PAM: variants seen among roughly 807,000 people sequenced by gnomAD.
PAM encodes the protein peptidylglycine alpha-amidating monooxygenase, also known as peptidyl-glycine alpha-amidating monooxygenase.
A neutral mutation model predicts 122.1 loss-of-function variants in PAM; 72 were observed. That is an observed-to-expected ratio of 0.59 (90% CI 0.49 to 0.72). The LOEUF is 0.72. Among genes scored for constraint, PAM ranks in the 30% least tolerant of loss-of-function variants. PAM has a pLI of 0.00. For missense variants in PAM, 1,106 were observed against 1,183.7 expected (o/e 0.93, Z 0.96); for synonymous variants, 389 against 404.4 (o/e 0.96, Z 0.46).
chr5:102,876,765 C>T (rs1433570507), intron 3 of PAM, among the ~76,000 whole-genome samples: 1 of 152,228 alleles, frequency 6.6e-6, no homozygotes, highest in Non-Finnish European at 1.5e-5. Context: ...CTGGAAATTA[C>T]TGAAGCTATG....
At chr5:102,929,396 T>TTA (rs1458471245) in intron 7 of PAM, among the ~76,000 whole-genome samples, 2 of 152,194 alleles carry the variant, frequency 1.3e-5, no homozygotes, top group African/African-American at 4.8e-5. Context: ...TATGTACATA[T>TTA]TATATATATA....
intron 16 of PAM, among the ~76,000 whole-genome samples, chr5:102,991,649 T>C (rs1439127291): frequency 3.3e-5 from 5 of 152,154 alleles, no homozygotes; most frequent in African/African-American, 7.2e-5. Context: ...ATTGGTAGCA[T>C]TGTTACTGTT....
chr5:102,856,869 T>G (rs1158432878), intron 1 of PAM, among the ~76,000 whole-genome samples: 1 of 152,120 alleles, frequency 6.6e-6, no homozygotes, highest in Non-Finnish European at 1.5e-5. Flanking sequence ...TTAGAAGACA[T>G]GAATCCCAAA....
intron 1 of PAM, among the ~76,000 whole-genome samples, chr5:102,782,300 A>G (rs1228432412): frequency 1.3e-5 from 2 of 152,250 alleles, no homozygotes; most frequent in African/African-American, 4.8e-5. Flanking sequence ...TGAAGTTCAT[A>G]GCCGGAACGA....
intron 14 of PAM, among the ~76,000 whole-genome samples, chr5:102,961,756 A>G (rs1321981052): frequency 2.6e-5 from 4 of 151,916 alleles, no homozygotes; most frequent in Non-Finnish European, 5.9e-5. Flanking sequence ...AGTTTAAAAA[A>G]AGCATCATTC....
At chr5:102,914,812 C>G (rs1238869973) in intron 5 of PAM, among the ~76,000 whole-genome samples, 1 of 152,080 alleles carries the variant, frequency 6.6e-6, no homozygotes. Context: ...TTTTACCACA[C>G]TGCCTTCTAT....
At chr5:102,784,985 T>C (rs1442038708) in intron 1 of PAM, among the ~76,000 whole-genome samples, 4 of 152,242 alleles carry the variant, frequency 2.6e-5, no homozygotes, top group Non-Finnish European at 4.4e-5. Flanking sequence ...AAAAAAGCAA[T>C]GCCCGCATAT....
chr5:103,001,976 C>T (rs1777524281), intron 16 of PAM, among the ~76,000 whole-genome samples: 1 of 151,934 alleles, frequency 6.6e-6, no homozygotes, highest in African/African-American at 2.4e-5. Flanking sequence ...ATTCATAAGT[C>T]ATTTATTGAC....
intron 1 of PAM, among the ~76,000 whole-genome samples, chr5:102,836,472 G>A (rs938190847): frequency 6.6e-6 from 1 of 152,076 alleles, no homozygotes; most frequent in South Asian, 2.1e-4. Context: ...CTCAAGCAGT[G>A]CTCCTACCTT....
chr5:102,930,086 G>A (rs1039024121), intron 7 of PAM, among the ~76,000 whole-genome samples: 1 of 151,418 alleles, frequency 6.6e-6, no homozygotes, highest in Non-Finnish European at 1.5e-5. Flanking sequence ...TTGTTTTTTT[G>A]TTTGTTTGTT....
chr5:102,773,145 T>C lies in PAM; in HGVS notation c.-374+17797T>C, dbSNP rs373213016. Among the ~76,000 whole-genome samples the C allele has an allele frequency of 1.1e-4, 17 of 152,266 alleles. No individual in the cohort carries two copies. The East Asian group carries it at 2.7e-3, about 24-fold the overall frequency. ...GAGCTTAGGAGGCCTAGAGTCAGAC[T>C]TCCTGGGTTCACAGTTGCTACACTG... On this transcript the variant is annotated intron_variant, in intron 1 of 25. Transcript: ENST00000438793.
chr5:102,957,620 CCT>C (rs895742364), intron 12 of PAM, among the ~76,000 whole-genome samples: 1 of 151,862 alleles, frequency 6.6e-6, no homozygotes, highest in African/African-American at 2.4e-5. Flanking sequence ...AACCTCTGCC[CCT>C]GTGTTCAAGC....
At position 102,853,424 on chromosome 5, in the gene PAM, G is replaced by A. The variant is rs375925562; in HGVS notation, c.-373-12399G>A. The stretch of plus-strand genomic sequence containing the variant: ...CAAAGATAATTGTAAAGTGCCTGAC[G>A]TCTGAAGATGTTCTAGTACTCTGAA... On this transcript the variant is annotated intron_variant, in intron 1 of 25. Transcript: ENST00000438793. Among the ~76,000 whole-genome samples the A allele has an allele frequency of 1.7e-3, 253 of 152,142 alleles. 1 individual carries two copies. The highest frequency in any genetic ancestry group is 3.1e-3 in the Non-Finnish European group (209 of 68,006).
intron 3 of PAM, among the ~76,000 whole-genome samples, chr5:102,869,071 T>C (rs967798079): frequency 6.6e-6 from 1 of 152,212 alleles, no homozygotes; most frequent in East Asian, 1.9e-4. Flanking sequence ...CTGGTTGCCT[T>C]TCCAGCAAAT....
chr5:102,816,841 C>T (rs1769994732), intron 1 of PAM, among the ~76,000 whole-genome samples: 1 of 152,098 alleles, frequency 6.6e-6, no homozygotes, highest in South Asian at 2.1e-4. Flanking sequence ...CATATGCTGA[C>T]AGTTTTTAAA....
chr5:102,778,996 C>T (rs959275836), intron 1 of PAM, among the ~76,000 whole-genome samples: 6 of 152,068 alleles, frequency 3.9e-5, no homozygotes, highest in African/African-American at 1.4e-4. Flanking sequence ...TTGGATTTGC[C>T]GTCAGAAAAC....
intron 7 of PAM, 97 bp downstream of exon 7, chr5:102,926,765 C>A: frequency 1.5e-6 from 1 of 683,162 alleles, no homozygotes; most frequent in Non-Finnish European, 2.6e-6. Flanking sequence ...AAGAATTGCC[C>A]ACACCCTCTG....
At chr5:103,018,744 A>G (rs963439346) in intron 22 of PAM, among the ~76,000 whole-genome samples, 5 of 152,356 alleles carry the variant, frequency 3.3e-5, no homozygotes, top group African/African-American at 1.2e-4. Flanking sequence ...AATTTTATGG[A>G]TAGGAACATG....
intron 1 of PAM, among the ~76,000 whole-genome samples, chr5:102,784,494 A>G (rs1435230969): frequency 6.6e-6 from 1 of 152,156 alleles, no homozygotes; most frequent in African/African-American, 2.4e-5. Context: ...TACAAAAGTC[A>G]CTAACGTTTG....
Sources: gnomAD v4.1 joint callset for allele counts (sites outside exome capture counted in the v4.1 genomes callset) on GRCh38, gnomAD v4.1.1 for gene constraint, MANE v1.5 for transcripts, NCBI Gene and HGNC (gene_info 2026-07-23, HGNC 2026-07-21) for gene names.